The following ME1 variants were observed in gnomAD, a reference collection of about 807,000 sequenced individuals.
The protein encoded by ME1 is malic enzyme 1, also known as NADP-dependent malic enzyme.
ME1 carries 74 observed loss-of-function variants against 66.4 expected under a neutral mutation model. The ratio of observed to expected loss-of-function variants is 1.11; its 90% CI spans 0.92 to 1.35. The LOEUF is 1.35. Among genes scored for constraint, ME1 ranks in the 40% most tolerant of loss-of-function variants. The pLI is 0.00. For missense variants in ME1, 750 were observed against 694.1 expected, an observed-to-expected ratio of 1.08 and a Z score of -0.90; for synonymous variants, 251 against 235.6, an observed-to-expected ratio of 1.07 and a Z score of -0.60.
intron 6 of ME1, among the ~76,000 whole-genome samples, chr6:83,264,605 G>C (rs571244625): frequency 6.6e-6 from 1 of 152,298 alleles, no homozygotes; most frequent in South Asian, 2.1e-4. Context: ...TTTGGAAGAA[G>C]CTAATTCCAA....
At position 83,424,015 on chromosome 6, in the gene ME1, T is replaced by C. The variant is rs185584096; in HGVS notation, c.78+6862A>G. Among the ~76,000 whole-genome samples the C allele has an allele frequency of 5.1e-3, 764 of 151,186 alleles. 4 individuals are homozygous for C. Among genetic ancestry groups the C allele is most frequent in the African/African-American group, 0.017 (709 of 41,100 alleles). On this transcript the variant is annotated intron_variant, in intron 1 of 13. Transcript: ENST00000369705. ...GTTCCAGCTACTCAAGAGGACGGAC[T>C]GAGTCTGGGAGGTCAAGGCTGCAGT...
intron 6 of ME1, among the ~76,000 whole-genome samples, chr6:83,299,255 T>G (rs1440821311): frequency 6.6e-6 from 1 of 152,024 alleles, no homozygotes; most frequent in Non-Finnish European, 1.5e-5. Context: ...AGGTTTTCCA[T>G]TTGTTTGTGT....
chr6:83,419,180 A>G (rs1025356922), intron 1 of ME1, among the ~76,000 whole-genome samples: 1 of 152,188 alleles, frequency 6.6e-6, no homozygotes, highest in African/African-American at 2.4e-5. Context: ...ATTTCATAAA[A>G]ATGTTGTGAG....
At chr6:83,291,039 A>G (rs1007362609) in intron 6 of ME1, among the ~76,000 whole-genome samples, 1 of 152,130 alleles carries the variant, frequency 6.6e-6, no homozygotes, top group Admixed American at 6.5e-5. Flanking sequence ...AGTCTCCTCA[A>G]TACAGTATAC....
chr6:83,364,723 A>G (rs1038835230), intron 3 of ME1, among the ~76,000 whole-genome samples: 3 of 150,886 alleles, frequency 2.0e-5, no homozygotes, highest in African/African-American at 7.4e-5. Flanking sequence ...ATATCTATCT[A>G]TCTATCTATC....
At chr6:83,326,720 AAGTC>A (rs1232847921) in intron 5 of ME1, among the ~76,000 whole-genome samples, 2 of 152,244 alleles carry the variant, frequency 1.3e-5, no homozygotes, top group Non-Finnish European at 1.5e-5. Context: ...AATTGTTAAA[AAGTC>A]AGGAAACAAC....
At chr6:83,367,085 C>T (rs1371736270) in intron 3 of ME1, among the ~76,000 whole-genome samples, 1 of 152,202 alleles carries the variant, frequency 6.6e-6, no homozygotes, top group African/African-American at 2.4e-5. Flanking sequence ...CAACATTCAC[C>T]TCCTTGTACA....
chr6:83,307,476 G>C (rs1453252851), intron 6 of ME1, among the ~76,000 whole-genome samples: 1 of 152,024 alleles, frequency 6.6e-6, no homozygotes. Context: ...AAGAATAGCA[G>C]GTGGAATCCC....
chr6:83,259,911 A>G (rs1766854044), intron 6 of ME1, among the ~76,000 whole-genome samples: 1 of 152,056 alleles, frequency 6.6e-6, no homozygotes, highest in South Asian at 2.1e-4. Context: ...CATCCCCTCA[A>G]GTTTCTTGTC....
At chr6:83,325,928 A>AC (rs1377172151) in intron 5 of ME1, among the ~76,000 whole-genome samples, 1 of 144,186 alleles carries the variant, frequency 6.9e-6, no homozygotes, top group East Asian at 2.0e-4. Flanking sequence ...AGCAAAAAAA[A>AC]CACAAAAAAA....
chr6:83,384,202 TG>T (rs1183563538), intron 3 of ME1, among the ~76,000 whole-genome samples: 9 of 151,974 alleles, frequency 5.9e-5, no homozygotes, highest in Admixed American at 5.9e-4. Flanking sequence ...ATGGGATTGC[TG>T]GGTTGAATGG....
intron 3 of ME1, among the ~76,000 whole-genome samples, chr6:83,376,675 C>T (rs1245133239): frequency 3.4e-5 from 5 of 148,788 alleles, no homozygotes; most frequent in African/African-American, 9.9e-5. Context: ...TGGTGGCGGA[C>T]GCCTATAATC....
chr6:83,301,799 G>A (rs1340952621), intron 6 of ME1, among the ~76,000 whole-genome samples: 5 of 152,130 alleles, frequency 3.3e-5, no homozygotes, highest in South Asian at 2.1e-4. Context: ...AAAAAACACA[G>A]ATCCTGGTGT....
chr6:83,243,286 T>C (rs549656191), intron 7 of ME1, among the ~76,000 whole-genome samples: 1 of 143,294 alleles, frequency 7.0e-6, no homozygotes, highest in Non-Finnish European at 1.5e-5. Flanking sequence ...TAAATATATA[T>C]ATTTAATTAT....
chr6:83,400,934 A>G (rs1025263977), intron 2 of ME1, among the ~76,000 whole-genome samples: 19 of 152,268 alleles, frequency 1.2e-4, no homozygotes, highest in Middle Eastern at 3.4e-3. Context: ...GCTGTTCCTC[A>G]GATTTCTTCA....
At chr6:83,262,212 A>G (rs1332276660) in intron 6 of ME1, among the ~76,000 whole-genome samples, 3 of 152,106 alleles carry the variant, frequency 2.0e-5, no homozygotes, top group Non-Finnish European at 2.9e-5. Flanking sequence ...TATGTGAAAG[A>G]GGGAACATCA....
Position 83,211,430 on chromosome 6 carries a change from G to A in ME1, c.*494C>T, listed in dbSNP as rs2128521842. The A allele has an allele frequency of 6.6e-6, 1 of 152,574 alleles. No individual in the cohort carries two copies. Among genetic ancestry groups the A allele is most frequent in the Non-Finnish European group, 1.5e-5 (1 of 68,088 alleles). 9.5% of individuals were successfully genotyped at this position (152,574 alleles called of 1,614,324 possible). ...AAAAGAACATATATGATCTAGGACTGGAATAAAAATACTTGAGAAGTTATC... is the reference window on the plus strand; with the variant it reads ...AAAAGAACATATATGATCTAGGACTAGAATAAAAATACTTGAGAAGTTATC... On this transcript the variant is annotated 3_prime_UTR_variant, in exon 14 of 14. Coordinates refer to ENST00000369705, the MANE Select transcript of ME1 (RefSeq NM_002395.6).
At chr6:83,248,309 T>C (rs1249457978) in intron 7 of ME1, among the ~76,000 whole-genome samples, 1 of 152,216 alleles carries the variant, frequency 6.6e-6, no homozygotes, top group African/African-American at 2.4e-5. Context: ...TCAGAAGATA[T>C]ACAATATTAA....
At chr6:83,405,266 C>T (rs1192116986) in intron 2 of ME1, among the ~76,000 whole-genome samples, 4 of 152,128 alleles carry the variant, frequency 2.6e-5, no homozygotes, top group Admixed American at 1.3e-4. Flanking sequence ...CTCTTTGTAG[C>T]AATTGTGAAT....
Sources: gnomAD v4.1 joint callset for allele counts (sites outside exome capture counted in the v4.1 genomes callset) on GRCh38, gnomAD v4.1.1 for gene constraint, MANE v1.5 for transcripts, NCBI Gene and HGNC (gene_info 2026-07-23, HGNC 2026-07-21) for gene names.